MTFR1: variants seen among roughly 807,000 people sequenced by gnomAD.
MTFR1 encodes the protein mitochondrial fission regulator 1.
Under a neutral mutation model 38.8 loss-of-function variants are expected in MTFR1, and 28 were observed. The ratio of observed to expected loss-of-function variants is 0.72; its 90% CI spans 0.53 to 0.99. The LOEUF (loss-of-function observed/expected upper bound fraction) is 0.99, where lower values mean the gene tolerates loss of function less well. Among genes scored for constraint, MTFR1 ranks in the 50% least tolerant of loss-of-function variants. The probability of loss-of-function intolerance (pLI) is 0.00; values close to 1 mark genes in which losing one functional copy is unlikely to be tolerated. For missense variants in MTFR1, 358 were observed against 395.5 expected (o/e 0.91, Z 0.81); for synonymous variants, 145 against 137.0 (o/e 1.06, Z -0.41).
At chr8:65,655,294 T>G (rs1473583547) in intron 1 of MTFR1, among the ~76,000 whole-genome samples, 1 of 152,240 alleles carries the variant, frequency 6.6e-6, no homozygotes, top group African/African-American at 2.4e-5. Flanking sequence ...ATATCTAAAT[T>G]GCATTAGCTT....
chr8:65,710,988 T>G (rs559473756), downstream of MTFR1, among the ~76,000 whole-genome samples: 93 of 148,008 alleles, frequency 6.3e-4, no homozygotes, highest in South Asian at 5.7e-3. Context: ...CATATATATA[T>G]ATAGAGAGAG....
chr8:65,682,452 G>T lies in MTFR1; in HGVS notation c.165+1G>T, dbSNP rs749254164. On this transcript the variant is annotated splice_donor_variant, in intron 3 of 7. Transcript: ENST00000262146. LOFTEE classifies it high-confidence loss of function. ...TCAGTGTCCAAGAGTTCAGTTTCAG[G>T]TATTATATTTTATATATTTTAAGTA... is the stretch of plus-strand genomic sequence containing the variant. 3 of 1,391,818 alleles carry T rather than the reference G, an allele frequency of 2.2e-6. No individual in the cohort carries two copies. The highest frequency in any genetic ancestry group is 2.9e-6 in the Non-Finnish European group (3 of 1,043,790). 86.2% of individuals were successfully genotyped at this position (1,391,818 alleles called of 1,614,324 possible). A position where few individuals can be genotyped will look rare whatever the true frequency, so the allele number is the denominator to read the frequency against.
At chr8:65,676,504 C>T (rs757897331) in intron 2 of MTFR1, among the ~76,000 whole-genome samples, 10 of 152,092 alleles carry the variant, frequency 6.6e-5, no homozygotes, top group Admixed American at 1.3e-4. Flanking sequence ...GCTGGGATTA[C>T]AGGTGCCCGC....
downstream of MTFR1, among the ~76,000 whole-genome samples, chr8:65,712,109 C>G (rs1438746471): frequency 6.6e-6 from 1 of 152,208 alleles, no homozygotes; most frequent in Non-Finnish European, 1.5e-5. Flanking sequence ...CACCCCTCTT[C>G]ATTAGCCAGA....
intron 3 of MTFR1, among the ~76,000 whole-genome samples, chr8:65,690,380 T>C (rs1043975713): frequency 1.3e-5 from 2 of 151,722 alleles, no homozygotes; most frequent in Non-Finnish European, 2.9e-5. Flanking sequence ...CTACCAAAAA[T>C]ACAAAAAATG....
At chr8:65,739,575 G>C in intron 3 of MTFR1, 1 of 1,549,352 alleles carries the variant, frequency 6.5e-7, no homozygotes, top group Middle Eastern at 1.7e-4. Context: ...ATAAATGAAA[G>C]GTTAAGCTTA....
chr8:65,720,780 G>A (rs184713476), intron 3 of MTFR1, among the ~76,000 whole-genome samples: 1 of 152,250 alleles, frequency 6.6e-6, no homozygotes, highest in Non-Finnish European at 1.5e-5. Context: ...ATAGAAAAGT[G>A]TCATTATAGT....
chr8:65,648,606 CATT>C (rs1168864860), intron 1 of MTFR1, among the ~76,000 whole-genome samples: 4 of 151,922 alleles, frequency 2.6e-5, no homozygotes, highest in African/African-American at 9.7e-5. Context: ...TAGTTGATAT[CATT>C]AAAAAATTTT....
At chr8:65,770,066 ACT>A (rs1180594047) in intron 3 of MTFR1, among the ~76,000 whole-genome samples, 1 of 150,724 alleles carries the variant, frequency 6.6e-6, no homozygotes. Context: ...TATAAAGAAC[ACT>A]CTATTCTCAG....
intron 3 of MTFR1, among the ~76,000 whole-genome samples, chr8:65,693,166 G>T (rs992229697): frequency 1.3e-5 from 2 of 152,060 alleles, no homozygotes; most frequent in Non-Finnish European, 2.9e-5. Context: ...ACTTTGGGAG[G>T]CTGAGGCAGG....
chr8:65,741,169 C>T (rs1039874298), intron 3 of MTFR1, among the ~76,000 whole-genome samples: 31 of 152,114 alleles, frequency 2.0e-4, no homozygotes, highest in Non-Finnish European at 3.2e-4. Flanking sequence ...ATTATTTTAA[C>T]AATTAAATAG....
At chr8:65,652,661 A>G (rs1481333267) in intron 1 of MTFR1, among the ~76,000 whole-genome samples, 3 of 152,118 alleles carry the variant, frequency 2.0e-5, no homozygotes, top group Non-Finnish European at 2.9e-5. Flanking sequence ...TGTTTTTCAG[A>G]TTGTTCACTG....
At chr8:65,664,954 T>A (rs1481114689) in intron 1 of MTFR1, among the ~76,000 whole-genome samples, 1 of 140,332 alleles carries the variant, frequency 7.1e-6, no homozygotes, top group Admixed American at 7.3e-5. Flanking sequence ...TTTTTTTTTT[T>A]AGACAGAGTC....
At position 65,709,110 on chromosome 8, in the gene MTFR1, AGAAATC is replaced by A. The variant is rs540492538; in HGVS notation, c.*69_*74del. On this transcript the variant is annotated 3_prime_UTR_variant, in exon 8 of 8. Coordinates refer to ENST00000262146, the MANE Select transcript of MTFR1 (RefSeq NM_014637.4). ...ATTTGTGAGGGCCAAGTTTGCTAGT[AGAAATC>A]GACACTGTTTAGTAAATACCTCTTT... The A allele has an allele frequency of 1.8e-3, 2,471 of 1,389,688 alleles. 6 individuals are homozygous for A. The highest frequency in any genetic ancestry group is 2.5e-3 in the Non-Finnish European group (2,396 of 975,842). The allele number at this position is 1,389,688 out of a possible 1,614,324, so 86.1% of individuals were successfully genotyped here. A position where few individuals can be genotyped will look rare whatever the true frequency, so the allele number is the denominator to read the frequency against.
At position 65,708,006 on chromosome 8, in the gene MTFR1, G is replaced by T; in HGVS notation, c.928G>T (p.Val310Leu). 2 of 1,611,848 alleles carry T rather than the reference G, an allele frequency of 1.2e-6. No homozygotes were observed. The highest frequency in any genetic ancestry group is 1.7e-6 in the Non-Finnish European group (2 of 1,179,816). Residue 310 changes from valine (V) to leucine (L), a missense_variant, in exon 7 of 8, where the codon GTG becomes TTG. Val to Leu is a conservative substitution (Grantham distance 32, BLOSUM62 1). Transcript: ENST00000262146. Reference protein sequence around the residue: ...KSESEATSERVLFGPHMLKPT... With the variant: ...KSESEATSERLLFGPHMLKPT... ...TGAATCAGAGGCCACCTCAGAGAGA[G>T]TGTTGGTGAGTTATTTGCCCAGATT...
chr8:65,690,528 TCAA>T (rs1372208281), intron 3 of MTFR1, among the ~76,000 whole-genome samples: 2 of 152,138 alleles, frequency 1.3e-5, no homozygotes, highest in African/African-American at 4.8e-5. Context: ...AGACCTGGTC[TCAA>T]CAACAACAAA....
Position 65,707,998 on chromosome 8 carries a change from C to CA in MTFR1, c.921dup (p.Glu308ArgfsTer21). The stretch of plus-strand genomic sequence containing the variant: ...CCAAAGTCTGAATCAGAGGCCACCT[C>CA]AGAGAGAGTGTTGGTGAGTTATTTG... On this transcript the variant is annotated frameshift_variant, in exon 7 of 8. Transcript: ENST00000262146. LOFTEE classifies it high-confidence loss of function. 6.2e-7 allele frequency: 1 copy of CA among 1,612,428 alleles called. No individual in the cohort carries two copies. Among genetic ancestry groups the CA allele is most frequent in the South Asian group, 1.1e-5 (1 of 91,084 alleles).
chr8:65,716,619 C>T (rs1265396570), intron 2 of MTFR1, among the ~76,000 whole-genome samples: 1 of 152,152 alleles, frequency 6.6e-6, no homozygotes, highest in East Asian at 1.9e-4. Flanking sequence ...CATAATTTGG[C>T]TTCCCAGGAA....
chr8:65,659,036 C>T (rs757899344), intron 1 of MTFR1, among the ~76,000 whole-genome samples: 13 of 152,072 alleles, frequency 8.5e-5, no homozygotes, highest in Non-Finnish European at 1.6e-4. Flanking sequence ...GTGAGTGAAT[C>T]TGTTGAAGAT....
Sources: gnomAD v4.1 joint callset for allele counts (sites outside exome capture counted in the v4.1 genomes callset) on GRCh38, gnomAD v4.1.1 for gene constraint, MANE v1.5 for transcripts, NCBI Gene and HGNC (gene_info 2026-07-23, HGNC 2026-07-21) for gene names.